Variants in L3MBTL4 observed in about 807,000 individuals in gnomAD.
L3MBTL4 encodes lethal(3)malignant brain tumor-like protein 4.
In L3MBTL4, 70 loss-of-function variants were observed where a neutral mutation model predicts 84.5. The ratio of observed to expected loss-of-function variants is 0.83; its 90% CI spans 0.68 to 1.01. The LOEUF (loss-of-function observed/expected upper bound fraction) is 1.01, where lower values mean the gene tolerates loss of function less well. Among genes scored for constraint, L3MBTL4 ranks in the 50% least tolerant of loss-of-function variants. The pLI is 0.00. For missense variants in L3MBTL4, 715 were observed against 754.8 expected (o/e 0.95, Z 0.62); for synonymous variants, 274 against 259.8 (o/e 1.05, Z -0.52).
In L3MBTL4 at chr18:6,065,702, G is replaced by A. The variant is rs181965243; in HGVS notation, c.1444+15179C>T. Among the ~76,000 whole-genome samples the A allele has an allele frequency of 1.3e-3, 194 of 151,690 alleles. No homozygotes were observed. In the Middle Eastern group the frequency reaches 0.014, roughly 11 times the overall value. On this transcript the variant is annotated intron_variant, in intron 16 of 18. Coordinates refer to ENST00000317931, the MANE Select transcript of L3MBTL4 (RefSeq NM_001330559.2). Reference sequence around the variant, plus strand: ...TGTGGTATCAATTATAATATATCCAGTTTCATTTCCACTGAATAATTGAGC... The same window carrying A: ...TGTGGTATCAATTATAATATATCCAATTTCATTTCCACTGAATAATTGAGC...
At chr18:6,009,026 C>T (rs2054614315) in intron 16 of L3MBTL4, among the ~76,000 whole-genome samples, 1 of 152,174 alleles carries the variant, frequency 6.6e-6, no homozygotes, top group African/African-American at 2.4e-5. Context: ...ACAAGTGGCT[C>T]AGAGGTGTGG....
chr18:6,174,291 C>T (rs2044120192), intron 12 of L3MBTL4, among the ~76,000 whole-genome samples: 1 of 151,902 alleles, frequency 6.6e-6, no homozygotes, highest in Admixed American at 6.6e-5. Context: ...CCTAAGATAA[C>T]CTAGATGTTG....
chr18:6,151,425 T>G (rs1038228053), intron 13 of L3MBTL4, among the ~76,000 whole-genome samples: 21 of 152,130 alleles, frequency 1.4e-4, no homozygotes, highest in African/African-American at 4.6e-4. Context: ...GAGTTTTCAC[T>G]CTTGTTGCCC....
chr18:6,168,600 G>A (rs1456796972), intron 13 of L3MBTL4, among the ~76,000 whole-genome samples: 2 of 152,244 alleles, frequency 1.3e-5, no homozygotes, highest in South Asian at 2.1e-4. Context: ...TTAATAAATG[G>A]TGCTGGGAAA....
At chr18:6,307,320 C>T (rs926282887) in intron 3 of L3MBTL4, among the ~76,000 whole-genome samples, 1 of 151,606 alleles carries the variant, frequency 6.6e-6, no homozygotes, top group Non-Finnish European at 1.5e-5. Flanking sequence ...ACCTGTAGTC[C>T]CAGCTACTCG....
chr18:6,413,592 C>CCACA (rs10678461), intron 1 of L3MBTL4, among the ~76,000 whole-genome samples: 6,884 of 152,304 alleles, frequency 0.045, 243 homozygotes, highest in Middle Eastern at 0.12. Context: ...AACCGAAGAG[C>CCACA]CACACTACAC....
chr18:6,411,736 A>T (rs2055973080), intron 1 of L3MBTL4, among the ~76,000 whole-genome samples: 1 of 151,888 alleles, frequency 6.6e-6, no homozygotes, highest in African/African-American at 2.4e-5. Context: ...TTTTAGGATC[A>T]CCCCCATAGT....
At chr18:6,397,450 C>T (rs963585012) in intron 1 of L3MBTL4, 12 of 152,172 alleles carry the variant, frequency 7.9e-5, no homozygotes, top group Admixed American at 2.6e-4. Context: ...ATAATCCAAT[C>T]TTTATTTCAA....
chr18:6,380,665 C>A (rs2054561580), intron 1 of L3MBTL4, among the ~76,000 whole-genome samples: 1 of 152,174 alleles, frequency 6.6e-6, no homozygotes, highest in Non-Finnish European at 1.5e-5. Flanking sequence ...AATTTGATTG[C>A]ACTGTGGTCT....
intron 16 of L3MBTL4, among the ~76,000 whole-genome samples, chr18:6,006,367 A>G (rs1446187541): frequency 6.6e-6 from 1 of 152,264 alleles, no homozygotes; most frequent in Non-Finnish European, 1.5e-5. Context: ...TGCTTGATAT[A>G]TAAGAACTAT....
At chr18:6,245,594 T>TC in intron 5 of L3MBTL4, among the ~76,000 whole-genome samples, 1 of 151,462 alleles carries the variant, frequency 6.6e-6, no homozygotes, top group Admixed American at 6.6e-5. Flanking sequence ...TTTCCTTTTT[T>TC]TTTTTTTTTT....
rs2846426 is a variant in L3MBTL4, at chr18:6,278,545, T to G, written c.128-14507A>C. ...TTTGTATTTATATGTGATATGCATCTATAGTCTAGTTTTGCTTTTTGTACT... is the reference window on the plus strand; with the variant it reads ...TTTGTATTTATATGTGATATGCATCGATAGTCTAGTTTTGCTTTTTGTACT... On this transcript the variant is annotated intron_variant, in intron 4 of 18. Transcript: ENST00000317931. Among the ~76,000 whole-genome samples, 638 of 152,346 alleles carry G rather than the reference T, an allele frequency of 4.2e-3. 6 individuals carry two copies. The highest frequency in any genetic ancestry group is 0.014 in the African/African-American group (600 of 41,582).
intron 1 of L3MBTL4, among the ~76,000 whole-genome samples, chr18:6,405,636 G>C (rs112140159): frequency 1.3e-3 from 127 of 97,988 alleles, no homozygotes; most frequent in Middle Eastern, 5.7e-3. Context: ...GGGGCTGGGC[G>C]CGAGGGCCCC....
intron 16 of L3MBTL4, among the ~76,000 whole-genome samples, chr18:6,026,506 G>A (rs1352471367): frequency 6.6e-6 from 1 of 152,178 alleles, no homozygotes; most frequent in Admixed American, 6.5e-5. Context: ...ATGAACTTAC[G>A]GTGAGCTAAA....
At chr18:6,104,871 T>A (rs2058950383) in intron 14 of L3MBTL4, among the ~76,000 whole-genome samples, 1 of 152,184 alleles carries the variant, frequency 6.6e-6, no homozygotes, top group Non-Finnish European at 1.5e-5. Context: ...TCCAAATTAA[T>A]TAACACATCG....
At chr18:6,204,597 A>G (rs1047131233) in intron 12 of L3MBTL4, among the ~76,000 whole-genome samples, 2 of 152,252 alleles carry the variant, frequency 1.3e-5, no homozygotes, top group African/African-American at 4.8e-5. Flanking sequence ...TTTTGTCTCT[A>G]CATGATAGTA....
At chr18:6,159,880 G>A (rs1198794729) in intron 13 of L3MBTL4, among the ~76,000 whole-genome samples, 1 of 152,220 alleles carries the variant, frequency 6.6e-6, no homozygotes, top group East Asian at 1.9e-4. Flanking sequence ...ACTGGGACAT[G>A]TCACATTTTT....
intron 12 of L3MBTL4, among the ~76,000 whole-genome samples, chr18:6,188,235 AATTAG>A (rs1382418545): frequency 6.6e-6 from 1 of 151,888 alleles, no homozygotes; most frequent in African/African-American, 2.4e-5. Context: ...ACTGACAATT[AATTAG>A]TTATATTTCC....
intron 14 of L3MBTL4, among the ~76,000 whole-genome samples, chr18:6,093,774 T>G (rs1484394002): frequency 6.6e-6 from 1 of 152,228 alleles, no homozygotes; most frequent in Admixed American, 6.5e-5. Flanking sequence ...GCATTTATAA[T>G]TTTAGAAACT....
Sources: allele counts gnomAD v4.1 joint callset (sites outside exome capture counted in the v4.1 genomes callset), GRCh38; gene constraint gnomAD v4.1.1; transcripts MANE v1.5; gene names NCBI Gene and HGNC (gene_info 2026-07-23, HGNC 2026-07-21).